FREM3: variants seen among roughly 807,000 people sequenced by gnomAD.
FREM3 encodes FRAS1-related extracellular matrix protein 3.
A neutral mutation model predicts 129.1 loss-of-function variants in FREM3; 105 were observed. That is an observed-to-expected ratio of 0.81 (90% CI 0.69 to 0.96). The LOEUF is 0.96. Among genes scored for constraint, FREM3 ranks in the 40% least tolerant of loss-of-function variants. The pLI, the probability that FREM3 is intolerant of heterozygous loss-of-function variation, is 0.00. For synonymous variants in FREM3, 1,014 were observed against 1,044.9 expected (o/e 0.97, Z 0.57); for missense variants, 2,593 against 2,666.3 (o/e 0.97, Z 0.61).
At chr4:143,672,069 C>T (rs529044693) in intron 2 of FREM3, among the ~76,000 whole-genome samples, 73 of 152,308 alleles carry the variant, frequency 4.8e-4, no homozygotes, top group African/African-American at 1.7e-3. Context: ...GTTTGGCATT[C>T]CACTGGCTAG....
intron 6 of FREM3, among the ~76,000 whole-genome samples, chr4:143,595,628 C>T (rs975575527): frequency 6.6e-6 from 1 of 152,170 alleles, no homozygotes; most frequent in Non-Finnish European, 1.5e-5. Flanking sequence ...TGGCTCTTGC[C>T]TGTAATCCCA....
Position 143,615,353 on chromosome 4 carries a change from T to C in FREM3, c.5780-3826A>G, listed in dbSNP as rs1738825296. On this transcript the variant is annotated intron_variant, in intron 5 of 7. Transcript: ENST00000329798. ...ACACAATTTTCTTTTAATATGTACA[T>C]TTTAGTAGGACAGCAAGACAAGCAA... is the stretch of plus-strand genomic sequence containing the variant. 2.0e-5 allele frequency among the ~76,000 whole-genome samples: 3 copies of C among 152,214 alleles called. No homozygotes were observed. The South Asian group carries it at 6.2e-4, about 31-fold the overall frequency.
At position 143,697,780 on chromosome 4, in the gene FREM3, C is replaced by G. The variant is rs759640506; in HGVS notation, c.2896G>C (p.Glu966Gln). Residue 966 changes from glutamate to glutamine, a missense_variant, in exon 1 of 8, where the codon GAA (glutamate) becomes CAA (glutamine). Physicochemically the swap from Glu to Gln is conservative, Grantham distance 29. Transcript: ENST00000329798. Reference sequence around the variant, plus strand: ...CCATGGATGACACCCATGGTAATTTCAGTGGCTTTATTCTCTAGTACGTCT... The same window carrying G: ...CCATGGATGACACCCATGGTAATTTGAGTGGCTTTATTCTCTAGTACGTCT... ...SIDVLENKAT[E>Q]ITMGVIHGKR... is the part of the protein sequence containing the mutation. The G allele has an allele frequency of 2.6e-6, 4 of 1,537,586 alleles. No individual in the cohort carries two copies. In the South Asian group the frequency reaches 4.8e-5, roughly 18 times the overall value.
rs1045988516 is a variant in FREM3 at position 143,698,140 on chromosome 4, T to A, written c.2536A>T (p.Asn846Tyr). The A allele has an allele frequency of 6.5e-7, 1 of 1,537,470 alleles. No homozygotes were observed. Among genetic ancestry groups the A allele is most frequent in the Non-Finnish European group, 8.7e-7 (1 of 1,146,950 alleles). ...ACATGCAGCTCATTACTGCTGAGGT[T>A]AAAGCTGCCTCCCTCTAAGATAGCA... ...GFAILEGGSFNLSSNELHVTD... is the reference protein window; with the variant it reads ...GFAILEGGSFYLSSNELHVTD... The change falls in exon 1 of 8, where the codon AAC (asparagine) becomes TAC (tyrosine). Residue 846 changes from asparagine (N) to tyrosine (Y), a missense_variant. By Grantham distance (143) the Asn-to-Tyr change is moderately radical (BLOSUM62 -2). Coordinates refer to ENST00000329798, the MANE Select transcript of FREM3 (RefSeq NM_001168235.2).
chr4:143,624,010 C>T (rs1739001455), intron 4 of FREM3, 98 bp downstream of exon 4: 1 of 664,292 alleles, frequency 1.5e-6, no homozygotes, highest in Admixed American at 2.6e-5. Flanking sequence ...GATATGAACG[C>T]ATTTAGTGGC....
intron 7 of FREM3, among the ~76,000 whole-genome samples, chr4:143,578,857 C>T (rs1738085279): frequency 6.6e-6 from 1 of 152,126 alleles, no homozygotes. Context: ...AAATATAATG[C>T]ATGATTTAGA....
rs184972250 is a variant in FREM3 at position 143,688,207 on chromosome 4, T to A, written c.5275+4906A>T. Among the ~76,000 whole-genome samples, 110 of 152,290 alleles carry A rather than the reference T, an allele frequency of 7.2e-4. 1 individual carries two copies. The highest frequency in any genetic ancestry group is 9.3e-4 in the Non-Finnish European group (63 of 68,020). On this transcript the variant is annotated intron_variant, in intron 2 of 7. Transcript: ENST00000329798. ...AAAGTACACAAATCAGTAGCTCTTC[T>A]ATACACCAACAGCTACCAAGTGGAG...
intron 2 of FREM3, among the ~76,000 whole-genome samples, chr4:143,630,161 C>A (rs564267435): frequency 1.3e-5 from 2 of 152,146 alleles, no homozygotes; most frequent in East Asian, 3.9e-4. Flanking sequence ...GTGATAATAG[C>A]ATTATGTGCT....
At position 143,577,648 on chromosome 4, in the gene FREM3, G is replaced by A. The variant is rs1738063388; in HGVS notation, c.6383C>T (p.Thr2128Met). Residue 2128 changes from threonine (T) to methionine (M), a missense_variant, in exon 8 of 8, where the codon ACG (threonine) becomes ATG (methionine). Physicochemically the swap from Thr to Met is moderately conservative, Grantham distance 81. Coordinates refer to ENST00000329798, the MANE Select transcript of FREM3 (RefSeq NM_001168235.2). The part of the protein sequence containing the change: ...KTTIFIEDTI[T>M]DCKQSACSSF... Reference sequence around the variant, plus strand: ...ACTACAAGCACTCTGCTTACAGTCCGTGATGGTGTCCTCGATGAAAATGGT... The same window carrying A: ...ACTACAAGCACTCTGCTTACAGTCCATGATGGTGTCCTCGATGAAAATGGT... 13 of 1,537,276 alleles carry A rather than the reference G, an allele frequency of 8.5e-6. No homozygotes were observed. The East Asian group carries it at 1.2e-4, about 14-fold the overall frequency.
chr4:143,680,637 A>G (rs1355730972), intron 2 of FREM3, among the ~76,000 whole-genome samples: 1 of 152,128 alleles, frequency 6.6e-6, no homozygotes, highest in Non-Finnish European at 1.5e-5. Context: ...TTAAAATATA[A>G]TTAGAGTTGT....
rs1423624925 is a variant in FREM3, at chr4:143,699,578, G to A, written c.1098C>T (p.Thr366=). 13 of 1,534,932 alleles carry A rather than the reference G, an allele frequency of 8.5e-6. No individual in the cohort carries two copies. Among genetic ancestry groups the A allele is most frequent in the South Asian group, 1.2e-5 (1 of 83,896 alleles). ...HPGQQGYVVS[T]DDPLGLPVSF... Reference sequence around the variant, plus strand: ...AGACTGGAAGCCCTAGAGGGTCGTCGGTGCTGACCACGTAGCCCTGTTGCC... The same window carrying A: ...AGACTGGAAGCCCTAGAGGGTCGTCAGTGCTGACCACGTAGCCCTGTTGCC... Residue 366 remains threonine, a synonymous_variant, in exon 1 of 8, where the codon ACC becomes ACT. Coordinates refer to ENST00000329798, the MANE Select transcript of FREM3 (RefSeq NM_001168235.2). The surrounding 1 kb of genome is among the most constrained non-coding windows in gnomAD (Gnocchi z 4.2).
intron 1 of FREM3, among the ~76,000 whole-genome samples, chr4:143,693,932 G>C (rs1740520268): frequency 6.6e-6 from 1 of 151,954 alleles, no homozygotes; most frequent in Non-Finnish European, 1.5e-5. Flanking sequence ...ATTCTAAGGG[G>C]AGTTCTTAAA....
chr4:143,620,541 C>T lies in FREM3; in HGVS notation c.5779+496G>A, dbSNP rs910467513. On this transcript the variant is annotated intron_variant, in intron 5 of 7. Transcript: ENST00000329798. ...GTCAAAAAGAATGGAAACTTGTTTTCGGTGCGAAGATGCCTGAACTCATGG... is the reference window on the plus strand; with the variant it reads ...GTCAAAAAGAATGGAAACTTGTTTTTGGTGCGAAGATGCCTGAACTCATGG... Among the ~76,000 whole-genome samples the T allele has an allele frequency of 8.5e-5, 13 of 152,236 alleles. No homozygotes were observed. In the East Asian group the frequency reaches 2.1e-3, roughly 25 times the overall value.
At chr4:143,616,989 A>G (rs967900532) in intron 5 of FREM3, among the ~76,000 whole-genome samples, 1 of 152,178 alleles carries the variant, frequency 6.6e-6, no homozygotes, top group African/African-American at 2.4e-5. Flanking sequence ...CAAAAACCAC[A>G]GGATGATTCA....
intron 2 of FREM3, among the ~76,000 whole-genome samples, chr4:143,645,695 G>T (rs1739400924): frequency 6.6e-6 from 1 of 152,104 alleles, no homozygotes; most frequent in African/African-American, 2.4e-5. Flanking sequence ...GTATCTGCTA[G>T]CCCCCACAAC....
chr4:143,624,008 C>T (rs555613766), intron 4 of FREM3, 100 bp downstream of exon 4: 68 of 650,254 alleles, frequency 1.0e-4, no homozygotes, highest in Admixed American at 2.5e-4. Flanking sequence ...TGGATATGAA[C>T]GCATTTAGTG....
intron 5 of FREM3, among the ~76,000 whole-genome samples, chr4:143,617,871 C>T (rs1489302499): frequency 6.6e-6 from 1 of 152,118 alleles, no homozygotes; most frequent in African/African-American, 2.4e-5. Context: ...GTGGTTGAGG[C>T]TGGACAGACC....
At chr4:143,629,276 C>T (rs1739098437) in intron 2 of FREM3, among the ~76,000 whole-genome samples, 1 of 152,112 alleles carries the variant, frequency 6.6e-6, no homozygotes, top group African/African-American at 2.4e-5. Context: ...GTAAAGGGAA[C>T]CATGAGCATG....
At chr4:143,593,135 A>G (rs1738397328) in intron 6 of FREM3, among the ~76,000 whole-genome samples, 1 of 152,026 alleles carries the variant, frequency 6.6e-6, no homozygotes, top group African/African-American at 2.4e-5. Context: ...TTATCCATTT[A>G]TCTAATTTTT....
Sources: allele counts gnomAD v4.1 joint callset (sites outside exome capture counted in the v4.1 genomes callset), GRCh38; gene constraint gnomAD v4.1.1; non-coding constraint Gnocchi (gnomAD v3.1); transcripts MANE v1.5; gene names NCBI Gene and HGNC (gene_info 2026-07-23, HGNC 2026-07-21).